STOX1: variants seen among roughly 807,000 people sequenced by gnomAD.
STOX1 encodes storkhead box 1.
Under a neutral mutation model 74.8 loss-of-function variants are expected in STOX1, and 57 were observed. The observed-to-expected ratio is 0.76, with a 90% CI of 0.62 to 0.95. The LOEUF is 0.95. STOX1 is among the 40% of genes least tolerant of loss of function. The probability of loss-of-function intolerance (pLI) is 0.00; values close to 1 mark genes in which losing one functional copy is unlikely to be tolerated. For missense variants in STOX1, 1,010 were observed against 1,117.0 expected (o/e 0.90, Z 1.37); for synonymous variants, 375 against 401.3 (o/e 0.93, Z 0.78).
In STOX1 at chr10:68,884,540, G is replaced by C; in HGVS notation, c.744G>C (p.Arg248=). 6.2e-7 allele frequency: 1 copy of C among 1,613,754 alleles called. No homozygotes were observed. The highest frequency in any genetic ancestry group is 1.3e-5 in the African/African-American group (1 of 75,022). ...ISHCQSCQCF[R]DMHTQDVQEA... ...ACTGTCAGTCTTGCCAGTGTTTCCG[G>C]GACATGCACACTCAGGATGTTCAGG... The change falls in exon 3 of 4, where the codon CGG becomes CGC. Residue 248 remains arginine, a synonymous_variant. Coordinates refer to ENST00000298596, the MANE Select transcript of STOX1 (RefSeq NM_152709.5).
At chr10:68,852,249 C>CTT (rs34908700) in intron 1 of STOX1, among the ~76,000 whole-genome samples, 1,551 of 118,940 alleles carry the variant, frequency 0.013, 119 homozygotes, top group African/African-American at 0.042. Flanking sequence ...TCTCTTACTG[C>CTT]TTTTTTTTTT....
At position 68,884,329 on chromosome 10, in the gene STOX1, A is replaced by G. The variant is rs767034643; in HGVS notation, c.533A>G (p.Tyr178Cys). Residue 178 changes from tyrosine (Y) to cysteine (C), a missense_variant, in exon 3 of 4, where the codon TAT becomes TGT. Tyr to Cys is a radical substitution (Grantham distance 194). Transcript: ENST00000298596. ...ACGCTGATTAAAGAAAGGAAGATTT[A>G]TCACACTGGAGAAGGATACTTCATA... is the stretch of plus-strand genomic sequence containing the variant. ...LGTLIKERKI[Y>C]HTGEGYFIVT... The G allele has an allele frequency of 6.2e-7, 1 of 1,614,082 alleles. No individual in the cohort carries two copies. The highest frequency in any genetic ancestry group is 1.3e-5 in the African/African-American group (1 of 74,956).
At chr10:68,871,623 C>G (rs1292539629) in intron 1 of STOX1, among the ~76,000 whole-genome samples, 3 of 152,220 alleles carry the variant, frequency 2.0e-5, no homozygotes, top group Non-Finnish European at 4.4e-5. Flanking sequence ...ACCCTTAGAT[C>G]TGCAGCCAGC....
intron 1 of STOX1, among the ~76,000 whole-genome samples, chr10:68,829,554 A>G (rs1002963086): frequency 6.6e-6 from 1 of 152,076 alleles, no homozygotes; most frequent in Non-Finnish European, 1.5e-5. Flanking sequence ...GAAAAAAAGC[A>G]CTTATTTAAT....
At chr10:68,879,192 G>C (rs1313762063) in intron 1 of STOX1, among the ~76,000 whole-genome samples, 1 of 152,010 alleles carries the variant, frequency 6.6e-6, no homozygotes, top group African/African-American at 2.4e-5. Flanking sequence ...TGGACTTAGG[G>C]CTCCTTCACA....
At chr10:68,874,013 CTTTTTTTTTTT>C (rs1160388935) in intron 1 of STOX1, among the ~76,000 whole-genome samples, 2 of 25,754 alleles carry the variant, frequency 7.8e-5, no homozygotes, top group African/African-American at 3.6e-4. Flanking sequence ...GCTAGGTAGC[CTTTTTTTTTTT>C]TTTTTTTTTT....
intron 1 of STOX1, among the ~76,000 whole-genome samples, chr10:68,860,014 A>C (rs1030014703): frequency 6.6e-6 from 1 of 151,996 alleles, no homozygotes; most frequent in Non-Finnish European, 1.5e-5. Context: ...ACTGGCGGCT[A>C]TGCGTGGTGG....
At chr10:68,831,874 G>T (rs1839420791) in intron 1 of STOX1, among the ~76,000 whole-genome samples, 1 of 151,918 alleles carries the variant, frequency 6.6e-6, no homozygotes, top group Non-Finnish European at 1.5e-5. Flanking sequence ...GATTAACAAG[G>T]GGCTAACTCT....
At chr10:68,883,525 C>T (rs963976330) in intron 2 of STOX1, among the ~76,000 whole-genome samples, 10 of 151,878 alleles carry the variant, frequency 6.6e-5, no homozygotes, top group African/African-American at 2.4e-4. Flanking sequence ...GCAATCCTCC[C>T]ACCTCAGCCT....
intron 1 of STOX1, among the ~76,000 whole-genome samples, chr10:68,837,199 C>T (rs997069901): frequency 1.1e-4 from 16 of 152,156 alleles, no homozygotes; most frequent in African/African-American, 3.9e-4. Context: ...ATCAAGAATC[C>T]CATGCATATG....
At chr10:68,876,511 TA>T (rs11286399) in intron 1 of STOX1, among the ~76,000 whole-genome samples, 99,462 of 151,910 alleles carry the variant, frequency 0.65, 32,961 homozygotes, top group East Asian at 0.9. Context: ...AAAGAATCAG[TA>T]AATTAACAAC....
chr10:68,842,073 C>T (rs984028340), intron 1 of STOX1, among the ~76,000 whole-genome samples: 1 of 152,152 alleles, frequency 6.6e-6, no homozygotes, highest in Non-Finnish European at 1.5e-5. Context: ...GAGTATTAAC[C>T]ATGTGACCTG....
chr10:68,847,725 T>TTTTG (rs1554827918), intron 1 of STOX1, among the ~76,000 whole-genome samples: 1 of 150,662 alleles, frequency 6.6e-6, no homozygotes, highest in Non-Finnish European at 1.5e-5. Flanking sequence ...AGAAGTTTTT[T>TTTTG]TTTTGTTTTG....
intron 1 of STOX1, among the ~76,000 whole-genome samples, chr10:68,869,405 G>A (rs909973979): frequency 2.0e-5 from 3 of 152,210 alleles, no homozygotes; most frequent in Middle Eastern, 3.2e-3. Context: ...GTAGCCATTC[G>A]TTAAATGTTT....
intron 1 of STOX1, among the ~76,000 whole-genome samples, chr10:68,866,559 G>A (rs1314014527): frequency 6.6e-6 from 1 of 152,154 alleles, no homozygotes; most frequent in African/African-American, 2.4e-5. Context: ...TGCCTTCCAA[G>A]GAACAGAGGT....
At chr10:68,838,928 G>T (rs888553498) in intron 1 of STOX1, among the ~76,000 whole-genome samples, 3 of 148,918 alleles carry the variant, frequency 2.0e-5, no homozygotes, top group Non-Finnish European at 4.5e-5. Context: ...AAAAAAAGAA[G>T]TGGCAAGAGT....
At chr10:68,843,035 T>C (rs1216702625) in intron 1 of STOX1, among the ~76,000 whole-genome samples, 1 of 152,134 alleles carries the variant, frequency 6.6e-6, no homozygotes, top group Non-Finnish European at 1.5e-5. Flanking sequence ...TTATAAATTA[T>C]ATTTTTATAT....
At position 68,838,672 on chromosome 10, in the gene STOX1, A is replaced by T. The variant is rs553675951; in HGVS notation, c.310+10739A>T. 2.6e-5 allele frequency among the ~76,000 whole-genome samples: 4 copies of T among 152,160 alleles called. No individual in the cohort carries two copies. In the South Asian group the frequency reaches 8.3e-4, roughly 32 times the overall value. On this transcript the variant is annotated intron_variant, in intron 1 of 3. Coordinates refer to ENST00000298596, the MANE Select transcript of STOX1 (RefSeq NM_152709.5). Reference sequence around the variant, plus strand: ...ATGCCTGTAATCCCAGCACTTTGGGAGGCTGAGGCAGGCAGATCATGAGGT... The same window carrying T: ...ATGCCTGTAATCCCAGCACTTTGGGTGGCTGAGGCAGGCAGATCATGAGGT...
chr10:68,858,962 C>T (rs553417769), intron 1 of STOX1, among the ~76,000 whole-genome samples: 59 of 152,184 alleles, frequency 3.9e-4, no homozygotes, highest in African/African-American at 1.3e-3. Flanking sequence ...CTCCTGTCAC[C>T]ACAAAGCCTG....
Sources: allele counts gnomAD v4.1 joint callset (sites outside exome capture counted in the v4.1 genomes callset), GRCh38; gene constraint gnomAD v4.1.1; transcripts MANE v1.5; gene names NCBI Gene and HGNC (gene_info 2026-07-23, HGNC 2026-07-21).